IARS1: variants seen among roughly 807,000 people sequenced by gnomAD.
IARS1 encodes isoleucyl-tRNA synthetase 1.
A neutral mutation model predicts 168.2 loss-of-function variants in IARS1; 124 were observed. That is an observed-to-expected ratio of 0.74 (90% CI 0.64 to 0.86). The LOEUF (loss-of-function observed/expected upper bound fraction) is 0.86, where lower values mean the gene tolerates loss of function less well. IARS1 is among the 40% of genes least tolerant of loss of function. The pLI, the probability that IARS1 is intolerant of heterozygous loss-of-function variation, is 0.00. For synonymous variants in IARS1, 532 were observed against 529.4 expected (o/e 1.00, Z -0.07); for missense variants, 1,452 against 1,515.8 (o/e 0.96, Z 0.70).
Position 92,280,746 on chromosome 9 carries a change from C to T in IARS1, c.745G>A (p.Asp249Asn). The change falls in exon 7 of 34, where the codon GAT (aspartate) becomes AAT (asparagine). Residue 249 changes from aspartate (D) to asparagine (N), a missense_variant and splice_region_variant. By Grantham distance (23) the Asp-to-Asn change is conservative (BLOSUM62 1). Coordinates refer to ENST00000443024, the MANE Select transcript of IARS1 (RefSeq NM_002161.6). ...NPEMQYVKIK[D>N]VARGRLLILM... ...CATAAGTAACCAGCCTCCCACTTAC[C>T]TTTAATTTTCACATATTGCATTTCT... 1 of 1,604,376 alleles carries T rather than the reference C, an allele frequency of 6.2e-7. No homozygotes were observed. The highest frequency in any genetic ancestry group is 8.5e-7 in the Non-Finnish European group (1 of 1,174,704).
chr9:92,253,758 T>G (rs2133733611), intron 20 of IARS1: 2 of 511,754 alleles, frequency 3.9e-6, no homozygotes, highest in South Asian at 3.1e-5. Flanking sequence ...GACTGCCCAC[T>G]ACACAACTGT....
In IARS1 at chr9:92,292,181, C is replaced by CTTTTTTTTTTT. The variant is rs57075703; in HGVS notation, c.-8+1419_-8+1429dup. On this transcript the variant is annotated intron_variant, in intron 1 of 33. Transcript: ENST00000443024. ...TACAGGTGTGCACCACCACACTCAG[C>CTTTTTTTTTTT]TTTTTTTTTTTTTTTTTTTGGTGGG... Among the ~76,000 whole-genome samples the CTTTTTTTTTTT allele has an allele frequency of 1.3e-3, 153 of 118,000 alleles. 5 individuals carry two copies. Among genetic ancestry groups the CTTTTTTTTTTT allele is most frequent in the African/African-American group, 4.7e-3 (147 of 31,540 alleles). 77.4% of individuals were successfully genotyped at this position (118,000 alleles called of 152,430 possible). A position where few individuals can be genotyped will look rare whatever the true frequency, so the allele number is the denominator to read the frequency against.
At chr9:92,282,464 G>C (rs1436588221) in intron 6 of IARS1, among the ~76,000 whole-genome samples, 1 of 152,054 alleles carries the variant, frequency 6.6e-6, no homozygotes, top group East Asian at 1.9e-4. Flanking sequence ...ACCATGCCCA[G>C]CTAATTTTTG....
In IARS1 at chr9:92,219,196, G is replaced by A. The variant is rs553179494; in HGVS notation, c.3706+3324C>T. On this transcript the variant is annotated intron_variant, in intron 33 of 33. Coordinates refer to ENST00000443024, the MANE Select transcript of IARS1 (RefSeq NM_002161.6). Reference sequence around the variant, plus strand: ...GAAAGGATTCCCTATTTAATAAATGGTGCTGGGAAAACTGGCTAGCCGTAT... The same window carrying A: ...GAAAGGATTCCCTATTTAATAAATGATGCTGGGAAAACTGGCTAGCCGTAT... 4.6e-5 allele frequency among the ~76,000 whole-genome samples: 7 copies of A among 152,256 alleles called. No individual in the cohort carries two copies. The East Asian group carries it at 1.3e-3, about 29-fold the overall frequency.
At chr9:92,242,981 A>T (rs1564167283) in intron 28 of IARS1, 3 of 392,896 alleles carry the variant, frequency 7.6e-6, no homozygotes, top group Admixed American at 7.5e-5. Context: ...CAACGGAGCT[A>T]AAAAAAAGGA....
In IARS1 at chr9:92,277,860, T is replaced by C. The variant is rs1341629468; in HGVS notation, c.894+3A>G. ...CGCCCACAGTAGCGGTCCCTAAGCTTACCTTCAGGAAATAGTCAAACAGGG... is the reference window on the plus strand; with the variant it reads ...CGCCCACAGTAGCGGTCCCTAAGCTCACCTTCAGGAAATAGTCAAACAGGG... On this transcript the variant is annotated splice_donor_region_variant and intron_variant, in intron 9 of 33. Transcript: ENST00000443024. 6.2e-7 allele frequency: 1 copy of C among 1,613,188 alleles called. No individual in the cohort carries two copies.
intron 25 of IARS1, among the ~76,000 whole-genome samples, chr9:92,249,261 A>C (rs1829673152): frequency 6.6e-6 from 1 of 152,208 alleles, no homozygotes; most frequent in Non-Finnish European, 1.5e-5. Flanking sequence ...ATCAAAAAGT[A>C]CTTCAGAAGG....
chr9:92,219,601 G>A (rs1391739606), intron 33 of IARS1, among the ~76,000 whole-genome samples: 5 of 151,572 alleles, frequency 3.3e-5, no homozygotes, highest in African/African-American at 7.3e-5. Flanking sequence ...TCAAAAAGTG[G>A]GCAAAGGACA....
At chr9:92,286,674 C>T (rs1835517324) in intron 4 of IARS1, 56 bp from the exon 5 acceptor site, 2 of 958,640 alleles carry the variant, frequency 2.1e-6, no homozygotes, top group African/African-American at 1.7e-5. Context: ...AATTGTACAT[C>T]AATGTGTGTT....
At chr9:92,241,015 C>T in intron 29 of IARS1, 54 bp from the exon 30 acceptor site, 1 of 983,376 alleles carries the variant, frequency 1.0e-6, no homozygotes, top group Non-Finnish European at 1.6e-6. Flanking sequence ...CTGCAATGTG[C>T]CACACCATCG....
Position 92,210,884 on chromosome 9 carries a change from T to C in IARS1, c.3712A>G (p.Thr1238Ala). Residue 1238 changes from threonine (T) to alanine (A), a missense_variant, in exon 34 of 34, where the codon ACA becomes GCA. Coordinates refer to ENST00000443024, the MANE Select transcript of IARS1 (RefSeq NM_002161.6). ...FLNETQTQEI[T>A]EDIPVKTLNM... ...AAAGTCTTCACGGGGATGTCTTCTG[T>C]AATTTCTAGAATGGAAAGAAAAAGT... is the stretch of plus-strand genomic sequence containing the variant. 6.2e-7 allele frequency: 1 copy of C among 1,600,044 alleles called. No individual in the cohort carries two copies. Among genetic ancestry groups the C allele is most frequent in the Non-Finnish European group, 8.6e-7 (1 of 1,167,192 alleles).
At chr9:92,293,419 T>C (rs1836713007) in intron 1 of IARS1, 192 bp downstream of exon 1, 2 of 530,796 alleles carry the variant, frequency 3.8e-6, no homozygotes, top group Non-Finnish European at 7.7e-6. Flanking sequence ...TTTAAAAAGA[T>C]TTTACTCATT....
chr9:92,245,966 C>T (rs140259737), intron 26 of IARS1, among the ~76,000 whole-genome samples: 2 of 151,982 alleles, frequency 1.3e-5, no homozygotes, highest in African/African-American at 4.8e-5. Flanking sequence ...TTAGCAGAGA[C>T]GGGGTTTCAC....
intron 6 of IARS1, among the ~76,000 whole-genome samples, chr9:92,283,591 A>G (rs1165674955): frequency 6.6e-6 from 1 of 152,204 alleles, no homozygotes; most frequent in Non-Finnish European, 1.5e-5. Context: ...CAATGAGCCA[A>G]GATCACACCA....
chr9:92,253,497 G>T, intron 20 of IARS1, 44 bp from the exon 21 acceptor site: 1 of 1,291,944 alleles, frequency 7.7e-7, no homozygotes, highest in Non-Finnish European at 1.1e-6. Context: ...GGGTTACCAG[G>T]CATCTGGGGT....
chr9:92,259,611 C>T (rs1831228656), intron 18 of IARS1, among the ~76,000 whole-genome samples: 1 of 152,122 alleles, frequency 6.6e-6, no homozygotes, highest in Non-Finnish European at 1.5e-5. Flanking sequence ...CAGGCCTGGG[C>T]ACTGGTCTCA....
intron 33 of IARS1, among the ~76,000 whole-genome samples, chr9:92,214,445 C>G (rs868062302): frequency 6.6e-6 from 1 of 152,102 alleles, no homozygotes; most frequent in Non-Finnish European, 1.5e-5. Context: ...GGAACAGCTC[C>G]GGTCTACAAC....
intron 10 of IARS1, among the ~76,000 whole-genome samples, chr9:92,272,608 G>T (rs1315260780): frequency 6.6e-6 from 1 of 152,208 alleles, no homozygotes; most frequent in Non-Finnish European, 1.5e-5. Context: ...CCAGCACTTT[G>T]GGAGGCCAAG....
At chr9:92,226,590 C>T (rs539470524) in intron 31 of IARS1, among the ~76,000 whole-genome samples, 1 of 152,318 alleles carries the variant, frequency 6.6e-6, no homozygotes, top group East Asian at 1.9e-4. Flanking sequence ...TGTACTGTCT[C>T]AAAGTTCTGG....
Sources: gnomAD v4.1 joint callset for allele counts (sites outside exome capture counted in the v4.1 genomes callset) on GRCh38, gnomAD v4.1.1 for gene constraint, MANE v1.5 for transcripts, NCBI Gene and HGNC (gene_info 2026-07-23, HGNC 2026-07-21) for gene names.